The following TADA3 variants were observed in gnomAD, a reference collection of about 807,000 sequenced individuals.
TADA3 encodes transcriptional adapter 3.
TADA3 carries 25 observed loss-of-function variants against 43.2 expected under a neutral mutation model. The observed-to-expected ratio is 0.58, with a 90% CI of 0.42 to 0.81. The LOEUF (loss-of-function observed/expected upper bound fraction) is 0.81, where lower values mean the gene tolerates loss of function less well. Among genes scored for constraint, TADA3 ranks in the 30% least tolerant of loss-of-function variants. TADA3 has a pLI of 0.00. For synonymous variants in TADA3, 235 were observed against 225.5 expected, an observed-to-expected ratio of 1.04 and a Z score of -0.38; for missense variants, 441 against 567.8, an observed-to-expected ratio of 0.78 and a Z score of 2.27.
In TADA3 at chr3:9,787,340, T is replaced by C; in HGVS notation, c.565A>G (p.Ile189Val). ...PPEDEAEHYK[I>V]PPLGKHYSQR... ...GAGTAGTGCTTCCCCAGGGGTGGGA[T>C]CTGTGGAAAAGATGGCACCCAACCC... Residue 189 changes from isoleucine to valine, a missense_variant and splice_region_variant, in exon 5 of 9, where the codon ATC becomes GTC. By Grantham distance (29) the Ile-to-Val change is conservative. Coordinates refer to ENST00000301964, the MANE Select transcript of TADA3 (RefSeq NM_006354.5). 1 of 1,607,136 alleles carries C rather than the reference T, an allele frequency of 6.2e-7. No homozygotes were observed. Among genetic ancestry groups the C allele is most frequent in the Non-Finnish European group, 8.5e-7 (1 of 1,177,120 alleles).
intron 4 of TADA3, among the ~76,000 whole-genome samples, chr3:9,788,707 T>C (rs1329668612): frequency 6.6e-6 from 1 of 151,710 alleles, no homozygotes; most frequent in Non-Finnish European, 1.5e-5. Context: ...GCCAGGCTAA[T>C]TTTTGTATTT....
intron 4 of TADA3, 81 bp downstream of exon 4, chr3:9,789,428 A>T (rs293790): frequency 7.6e-7 from 1 of 1,315,798 alleles, no homozygotes. Context: ...AAGATGATGC[A>T]TGGCTTTGGT....
At chr3:9,789,440 G>A in intron 4 of TADA3, 69 bp downstream of exon 4, 4 of 1,426,298 alleles carry the variant, frequency 2.8e-6, no homozygotes, top group Non-Finnish European at 3.9e-6. Flanking sequence ...GGCTTTGGTA[G>A]CTTTACTTCT....
chr3:9,792,345 C>T lies in TADA3; in HGVS notation c.-157G>A. ...CGCCCAAATGTCCCGCCTTCAGAGT[C>T]CTCGTTCTCTAGGGACACCCTAGTG... On this transcript the variant is annotated 5_prime_UTR_variant, in exon 1 of 9. Transcript: ENST00000301964. The T allele has an allele frequency of 3.1e-6, 1 of 317,514 alleles. No individual in the cohort carries two copies. 19.7% of individuals were successfully genotyped at this position (317,514 alleles called of 1,614,324 possible). A position where few individuals can be genotyped will look rare whatever the true frequency, so the allele number is the denominator to read the frequency against.
chr3:9,781,130 CA>C (rs931672265), intron 8 of TADA3, among the ~76,000 whole-genome samples: 106 of 139,736 alleles, frequency 7.6e-4, no homozygotes, highest in Middle Eastern at 3.6e-3. Flanking sequence ...ACTGTGTCTT[CA>C]AAAAAAAAAA....
rs764578000 is a variant in TADA3 at position 9,787,737 on chromosome 3, TAAGAAATC to T, written c.565-405_565-398del. ...ATGAACTCTTTTTCAGATAAATTTT[TAAGAAATC>T]AGATAAGTGAAGTGAAAGAGAGAGA... On this transcript the variant is annotated intron_variant, in intron 4 of 8. Transcript: ENST00000301964. The T allele has an allele frequency of 5.4e-6, 7 of 1,289,258 alleles. No individual in the cohort carries two copies. In the South Asian group the frequency reaches 8.6e-5, roughly 16 times the overall value. The allele number at this position is 1,289,258 out of a possible 1,614,324, so 79.9% of individuals were successfully genotyped here.
Position 9,785,217 on chromosome 3 carries a change from C to T in TADA3, c.920+99G>A, listed in dbSNP as rs950934014. The T allele has an allele frequency of 2.1e-5, 19 of 884,900 alleles. No homozygotes were observed. The East Asian group carries it at 4.7e-4, about 22-fold the overall frequency. 54.8% of individuals were successfully genotyped at this position (884,900 alleles called of 1,614,324 possible). ...CTGCTATTAGGCTTCACCTAACTGC[C>T]CCCAGCCTCTTACTGATGAGGACTT... On this transcript the variant is annotated intron_variant, in intron 7 of 8. Coordinates refer to ENST00000301964, the MANE Select transcript of TADA3 (RefSeq NM_006354.5).
Position 9,787,259 on chromosome 3 carries a change from C to T in TADA3, c.646G>A (p.Ala216Thr), listed in dbSNP as rs1183507298. The change falls in exon 5 of 9, where the codon GCG (alanine) becomes ACG (threonine). Residue 216 changes from alanine to threonine, a missense_variant. Coordinates refer to ENST00000301964, the MANE Select transcript of TADA3 (RefSeq NM_006354.5). ...CCTTTCTTCTTGTCAGCCACAGCCG[C>T]TGCCCGGGCCCCATCCTTCTGCTCC... ...LEEQKDGARAAAVADKKKGLM... is the reference protein window; with the variant it reads ...LEEQKDGARATAVADKKKGLM... The T allele has an allele frequency of 1.9e-6, 3 of 1,614,238 alleles. No individual in the cohort carries two copies. The East Asian group carries it at 6.7e-5, about 36-fold the overall frequency.
intron 6 of TADA3, among the ~76,000 whole-genome samples, chr3:9,786,602 A>T (rs78493067): frequency 0.02 from 3,067 of 152,272 alleles, 86 homozygotes; most frequent in African/African-American, 0.07. Context: ...CACAGCGTTA[A>T]CCACTGTCCT....
intron 8 of TADA3, among the ~76,000 whole-genome samples, chr3:9,780,948 G>A (rs1335740619): frequency 6.6e-6 from 1 of 152,112 alleles, no homozygotes; most frequent in Non-Finnish European, 1.5e-5. Context: ...AGACCAGTCT[G>A]AGCAACATAG....
At chr3:9,782,146 C>T (rs1447322966) in intron 8 of TADA3, among the ~76,000 whole-genome samples, 2 of 152,148 alleles carry the variant, frequency 1.3e-5, no homozygotes, top group Admixed American at 6.5e-5. Context: ...CTAGGGCCCA[C>T]TACTTCTGTA....
At chr3:9,783,814 G>C in intron 8 of TADA3, 1 of 782,326 alleles carries the variant, frequency 1.3e-6, no homozygotes, top group Non-Finnish European at 1.8e-6. Flanking sequence ...AAATCAATCG[G>C]TCAGTCACAG....
At position 9,780,472 on chromosome 3, in the gene TADA3, A is replaced by T; in HGVS notation, c.1184T>A (p.Phe395Tyr). ...RMADNEVMDAFRKIMAARQKK... is the reference protein window; with the variant it reads ...RMADNEVMDAYRKIMAARQKK... Reference sequence around the variant, plus strand: ...CTGCCGGGCAGCCATGATCTTGCGAAAGGCGTCCATGACCTCGTTGTCAGC... The same window carrying T: ...CTGCCGGGCAGCCATGATCTTGCGATAGGCGTCCATGACCTCGTTGTCAGC... The change falls in exon 9 of 9, where the codon TTT becomes TAT. Residue 395 changes from phenylalanine to tyrosine, a missense_variant. Physicochemically the swap from Phe to Tyr is conservative, Grantham distance 22. Transcript: ENST00000301964. 6.2e-7 allele frequency: 1 copy of T among 1,611,266 alleles called. No homozygotes were observed. The highest frequency in any genetic ancestry group is 8.5e-7 in the Non-Finnish European group (1 of 1,179,916).
intron 6 of TADA3, 61 bp downstream of exon 6, chr3:9,786,945 T>A: frequency 7.0e-7 from 1 of 1,434,864 alleles, no homozygotes; most frequent in Non-Finnish European, 9.7e-7. Flanking sequence ...CGATAAAAAA[T>A]AAGCATAACA....
At chr3:9,785,111 T>C (rs771591879) in intron 7 of TADA3, among the ~76,000 whole-genome samples, 1 of 152,240 alleles carries the variant, frequency 6.6e-6, no homozygotes, top group African/African-American at 2.4e-5. Context: ...GGGTTATTTA[T>C]GGTATGAACA....
In TADA3 at chr3:9,780,470, G is replaced by A. The variant is rs199722218; in HGVS notation, c.1186C>T (p.Arg396Cys). ...MADNEVMDAF[R>C]KIMAARQKKR... Reference sequence around the variant, plus strand: ...TTCTGCCGGGCAGCCATGATCTTGCGAAAGGCGTCCATGACCTCGTTGTCA... The same window carrying A: ...TTCTGCCGGGCAGCCATGATCTTGCAAAAGGCGTCCATGACCTCGTTGTCA... The change falls in exon 9 of 9, where the codon CGC (arginine) becomes TGC (cysteine). Residue 396 changes from arginine to cysteine, a missense_variant. By Grantham distance (180) the Arg-to-Cys change is radical. Transcript: ENST00000301964. 1.4e-5 allele frequency: 22 copies of A among 1,611,648 alleles called. No individual in the cohort carries two copies. Among genetic ancestry groups the A allele is most frequent in the Non-Finnish European group, 1.6e-5 (19 of 1,179,994 alleles).
chr3:9,788,410 TA>T (rs1414118811), intron 4 of TADA3, among the ~76,000 whole-genome samples: 1 of 152,012 alleles, frequency 6.6e-6, no homozygotes, highest in Non-Finnish European at 1.5e-5. Context: ...CACGCCCGGC[TA>T]ATTTTTTCTA....
Position 9,787,111 on chromosome 3 carries a change from T to A in TADA3, c.707-2A>T. Reference sequence around the variant, plus strand: ...ACTTCTTCAGCAGGGCATCCACATCTAAGCGGGCACAGGAAAGGAGGGGAG... The same window carrying A: ...ACTTCTTCAGCAGGGCATCCACATCAAAGCGGGCACAGGAAAGGAGGGGAG... On this transcript the variant is annotated splice_acceptor_variant, in intron 5 of 8. Coordinates refer to ENST00000301964, the MANE Select transcript of TADA3 (RefSeq NM_006354.5). LOFTEE classifies it high-confidence loss of function. 1 of 1,614,156 alleles carries A rather than the reference T, an allele frequency of 6.2e-7. No homozygotes were observed.
intron 2 of TADA3, 83 bp downstream of exon 2, chr3:9,791,177 C>T: frequency 5.0e-6 from 7 of 1,401,070 alleles, no homozygotes; most frequent in Non-Finnish European, 6.8e-6. Flanking sequence ...CCCCAAGTCT[C>T]AGCATATGGG....
Sources: gnomAD v4.1 joint callset for allele counts (sites outside exome capture counted in the v4.1 genomes callset) on GRCh38, gnomAD v4.1.1 for gene constraint, MANE v1.5 for transcripts, NCBI Gene and HGNC (gene_info 2026-07-23, HGNC 2026-07-21) for gene names.